The following DEPTOR variants were observed in gnomAD, a reference collection of about 807,000 sequenced individuals.
DEPTOR encodes the protein DEP domain containing MTOR interacting protein.
DEPTOR carries 41 observed loss-of-function variants against 41.6 expected under a neutral mutation model. That is an observed-to-expected ratio of 0.98 (90% CI 0.77 to 1.28). The LOEUF (loss-of-function observed/expected upper bound fraction) is 1.28. Ranked by LOEUF, DEPTOR falls within the 50% of genes most tolerant of loss-of-function variation. The pLI, the probability that DEPTOR is intolerant of heterozygous loss-of-function variation, is 0.00. For synonymous variants in DEPTOR, 195 were observed against 192.3 expected (o/e 1.01, Z -0.12); for missense variants, 514 against 527.9 (o/e 0.97, Z 0.26).
chr8:120,005,485 C>T (rs10755922), intron 6 of DEPTOR, among the ~76,000 whole-genome samples: 55,795 of 151,978 alleles, frequency 0.37, 10,970 homozygotes, highest in East Asian at 0.59. Context: ...TAGATCATCA[C>T]GCCTTGCCCC....
At chr8:120,003,696 T>G (rs1812391113) in intron 6 of DEPTOR, among the ~76,000 whole-genome samples, 1 of 152,206 alleles carries the variant, frequency 6.6e-6, no homozygotes, top group Admixed American at 6.5e-5. Flanking sequence ...ATCCCTGGAA[T>G]TGACCCTGGG....
intron 4 of DEPTOR, among the ~76,000 whole-genome samples, chr8:119,969,450 G>A (rs1037755307): frequency 6.6e-6 from 1 of 151,594 alleles, no homozygotes; most frequent in African/African-American, 2.4e-5. Context: ...CACCTCCCAG[G>A]TTCAAGCAAT....
At chr8:119,957,595 T>C (rs968501750) in intron 3 of DEPTOR, among the ~76,000 whole-genome samples, 3 of 135,166 alleles carry the variant, frequency 2.2e-5, no homozygotes, top group African/African-American at 8.4e-5. Context: ...TCTTTCTTTC[T>C]TTTTTTTTTT....
chr8:120,045,704 G>A (rs1813144059), intron 8 of DEPTOR, among the ~76,000 whole-genome samples: 1 of 152,124 alleles, frequency 6.6e-6, no homozygotes, highest in Non-Finnish European at 1.5e-5. Flanking sequence ...AAATTCAGTT[G>A]AAGTGACCAT....
chr8:119,890,861 A>G (rs1827443349), intron 1 of DEPTOR, among the ~76,000 whole-genome samples: 1 of 152,164 alleles, frequency 6.6e-6, no homozygotes, highest in Non-Finnish European at 1.5e-5. Flanking sequence ...CAGCTGTGGA[A>G]GTAGCCCTGT....
intron 4 of DEPTOR, among the ~76,000 whole-genome samples, chr8:119,968,267 T>C (rs1404178519): frequency 6.6e-6 from 1 of 152,132 alleles, no homozygotes; most frequent in East Asian, 1.9e-4. Context: ...GAGGTAGATA[T>C]TCTTTTTTTA....
intron 8 of DEPTOR, among the ~76,000 whole-genome samples, chr8:120,038,023 T>C (rs1421861255): frequency 1.3e-5 from 2 of 151,986 alleles, no homozygotes; most frequent in African/African-American, 4.8e-5. Flanking sequence ...TCCTAGCACT[T>C]TGGGAGGCCA....
chr8:119,916,225 G>A (rs1364480456), intron 1 of DEPTOR, among the ~76,000 whole-genome samples: 1 of 149,674 alleles, frequency 6.7e-6, no homozygotes, highest in Admixed American at 6.6e-5. Flanking sequence ...TTAGTCTCCC[G>A]AGTAGCTGGG....
chr8:120,005,292 CT>C (rs1473028383), intron 6 of DEPTOR, among the ~76,000 whole-genome samples: 6 of 152,198 alleles, frequency 3.9e-5, no homozygotes, highest in Non-Finnish European at 5.9e-5. Flanking sequence ...GATATTTGAC[CT>C]ACTCCCTCTT....
intron 8 of DEPTOR, among the ~76,000 whole-genome samples, chr8:120,038,779 C>T (rs1360749335): frequency 1.3e-5 from 2 of 152,100 alleles, no homozygotes; most frequent in Non-Finnish European, 2.9e-5. Flanking sequence ...AGTTTCGAGT[C>T]AGATCCTGGT....
At chr8:119,935,646 A>T (rs1828101712) in intron 3 of DEPTOR, among the ~76,000 whole-genome samples, 1 of 151,706 alleles carries the variant, frequency 6.6e-6, no homozygotes, top group Non-Finnish European at 1.5e-5. Flanking sequence ...GCTTGAACCC[A>T]GGAGGCGGAG....
chr8:119,937,649 C>T (rs1486995057), intron 3 of DEPTOR, among the ~76,000 whole-genome samples: 1 of 152,160 alleles, frequency 6.6e-6, no homozygotes, highest in Non-Finnish European at 1.5e-5. Context: ...TTTTACCCTA[C>T]TTGCAAGCTC....
chr8:120,033,336 C>T (rs980047488), intron 8 of DEPTOR, among the ~76,000 whole-genome samples: 1 of 152,110 alleles, frequency 6.6e-6, no homozygotes, highest in Admixed American at 6.6e-5. Flanking sequence ...TTCCACCCAC[C>T]TCTGCCTCCC....
intron 1 of DEPTOR, among the ~76,000 whole-genome samples, chr8:119,877,628 TG>T (rs1827246051): frequency 6.6e-6 from 1 of 152,238 alleles, no homozygotes; most frequent in Non-Finnish European, 1.5e-5. Flanking sequence ...AACCAAGGAC[TG>T]GGATTTGAAA....
rs372708350 is a variant in DEPTOR at position 120,001,587 on chromosome 8, C to T, written c.667C>T (p.Arg223Trp). The change falls in exon 5 of 9, where the codon CGG becomes TGG. Residue 223 changes from arginine (R) to tryptophan (W), a missense_variant. By Grantham distance (101) the Arg-to-Trp change is moderately radical. Coordinates refer to ENST00000286234, the MANE Select transcript of DEPTOR (RefSeq NM_022783.4). ...LLYQFRMNFR[R>W]RRRLMELLNE... ...CTACCAGTTCAGAATGAACTTCCGG[C>T]GGAGGCGAAGACTGATGGAGCTGCT... 9.3e-6 allele frequency: 15 copies of T among 1,613,650 alleles called. No individual in the cohort carries two copies. The highest frequency in any genetic ancestry group is 5.3e-5 in the African/African-American group (4 of 74,788).
intron 3 of DEPTOR, among the ~76,000 whole-genome samples, chr8:119,930,818 AT>A (rs1828033530): frequency 6.6e-6 from 1 of 152,220 alleles, no homozygotes; most frequent in Middle Eastern, 3.4e-3. Context: ...TGCCTTCCTC[AT>A]TTAGTTTTCC....
chr8:119,933,406 C>T (rs564365469), intron 3 of DEPTOR, among the ~76,000 whole-genome samples: 125 of 150,452 alleles, frequency 8.3e-4, no homozygotes, highest in Admixed American at 2.1e-3. Context: ...GCAGGAGAAT[C>T]GCTTGAACCT....
chr8:119,946,801 C>T (rs990110889), intron 3 of DEPTOR, among the ~76,000 whole-genome samples: 3 of 152,124 alleles, frequency 2.0e-5, no homozygotes, highest in African/African-American at 7.2e-5. Flanking sequence ...ACAAAATTAA[C>T]TTTTGCATTG....
At chr8:119,960,012 G>T (rs1489290907) in intron 3 of DEPTOR, among the ~76,000 whole-genome samples, 1 of 151,928 alleles carries the variant, frequency 6.6e-6, no homozygotes, top group East Asian at 2.0e-4. Flanking sequence ...GGCAGATCAC[G>T]AGGTCAGAAG....
Sources: gnomAD v4.1 joint callset for allele counts (sites outside exome capture counted in the v4.1 genomes callset) on GRCh38, gnomAD v4.1.1 for gene constraint, MANE v1.5 for transcripts, NCBI Gene and HGNC (gene_info 2026-07-23, HGNC 2026-07-21) for gene names.